SLC35F3: variants seen among roughly 807,000 people sequenced by gnomAD.
SLC35F3 encodes the protein putative thiamine transporter SLC35F3.
Under a neutral mutation model 49.9 loss-of-function variants are expected in SLC35F3, and 25 were observed. That is an observed-to-expected ratio of 0.50 (90% CI 0.37 to 0.70). The LOEUF is 0.70. SLC35F3 is among the 30% of genes least tolerant of loss of function. SLC35F3 has a pLI of 0.00. For synonymous variants in SLC35F3, 275 were observed against 265.4 expected (o/e 1.04, Z -0.35); for missense variants, 525 against 639.8 (o/e 0.82, Z 1.94).
intron 2 of SLC35F3, among the ~76,000 whole-genome samples, chr1:234,137,611 A>G (rs1405996900): frequency 6.6e-6 from 1 of 152,160 alleles, no homozygotes; most frequent in East Asian, 1.9e-4. Flanking sequence ...TTGTCAGGTA[A>G]AGGTGGAAGG....
chr1:234,079,054 A>C (rs771908207), intron 2 of SLC35F3, among the ~76,000 whole-genome samples: 5 of 152,178 alleles, frequency 3.3e-5, no homozygotes, highest in Non-Finnish European at 7.3e-5. Flanking sequence ...GAAGACTTGC[A>C]CTTTCCAATT....
At chr1:234,157,605 G>A (rs73108418) in intron 2 of SLC35F3, among the ~76,000 whole-genome samples, 25,337 of 152,164 alleles carry the variant, frequency 0.17, 6,745 homozygotes, top group African/African-American at 0.56. Flanking sequence ...TTTGTTTTCA[G>A]CATCCATGTC....
At chr1:234,207,904 G>A (rs931795017) in intron 2 of SLC35F3, among the ~76,000 whole-genome samples, 4 of 152,220 alleles carry the variant, frequency 2.6e-5, no homozygotes, top group Non-Finnish European at 4.4e-5. Flanking sequence ...AGCTGCTCAG[G>A]AGGCTTAGGT....
intron 2 of SLC35F3, among the ~76,000 whole-genome samples, chr1:233,977,096 C>A (rs957179021): frequency 1.7e-4 from 26 of 152,166 alleles, no homozygotes; most frequent in Admixed American, 1.6e-3. Flanking sequence ...TCTGCGCATG[C>A]CCTTCAGGTT....
At chr1:233,923,948 G>A (rs138572427) in intron 2 of SLC35F3, among the ~76,000 whole-genome samples, 4,408 of 152,188 alleles carry the variant, frequency 0.029, 193 homozygotes, top group African/African-American at 0.1. Context: ...GATTACGTTT[G>A]TTGATTTGTG....
intron 3 of SLC35F3, among the ~76,000 whole-genome samples, chr1:234,270,868 G>A (rs1236805559): frequency 6.6e-6 from 1 of 152,238 alleles, no homozygotes; most frequent in East Asian, 1.9e-4. Flanking sequence ...GGAGAGGCAA[G>A]CTTGATGATG....
intron 2 of SLC35F3, among the ~76,000 whole-genome samples, chr1:233,983,669 T>C (rs1359181896): frequency 6.6e-6 from 1 of 152,202 alleles, no homozygotes; most frequent in African/African-American, 2.4e-5. Context: ...ACCAGCTAGC[T>C]CCTTTGGAAA....
At chr1:234,030,443 C>T (rs1664045560) in intron 2 of SLC35F3, among the ~76,000 whole-genome samples, 1 of 152,132 alleles carries the variant, frequency 6.6e-6, no homozygotes, top group East Asian at 1.9e-4. Context: ...GACCCCAGTA[C>T]CAGAGACTAG....
chr1:234,067,714 C>A (rs1017049789), intron 2 of SLC35F3, among the ~76,000 whole-genome samples: 3 of 152,172 alleles, frequency 2.0e-5, no homozygotes, highest in African/African-American at 7.2e-5. Context: ...ACATTTGATA[C>A]CACCTAGCCC....
chr1:234,255,818 A>G (rs1667813896), intron 3 of SLC35F3, among the ~76,000 whole-genome samples: 1 of 152,240 alleles, frequency 6.6e-6, no homozygotes, highest in South Asian at 2.1e-4. Context: ...CACTTAGAGC[A>G]GTGAAATAAT....
intron 2 of SLC35F3, among the ~76,000 whole-genome samples, chr1:234,226,603 T>C (rs1667289140): frequency 6.7e-6 from 1 of 150,344 alleles, no homozygotes; most frequent in East Asian, 1.9e-4. Context: ...GCCTAAGCAG[T>C]GGACAGCTCA....
At position 234,231,356 on chromosome 1, in the gene SLC35F3, C is replaced by T; in HGVS notation, c.284-61C>T. The T allele has an allele frequency of 7.4e-7, 1 of 1,356,454 alleles. No homozygotes were observed. The highest frequency in any genetic ancestry group is 9.8e-7 in the Non-Finnish European group (1 of 1,021,460). The allele number at this position is 1,356,454 out of a possible 1,614,324, so 84.0% of individuals were successfully genotyped here. A position where few individuals can be genotyped will look rare whatever the true frequency, so the allele number is the denominator to read the frequency against. On this transcript the variant is annotated intron_variant, in intron 2 of 7. Transcript: ENST00000366618. This position sits in a 1 kb window ranked among gnomAD's most constrained non-coding sequence, Gnocchi z 5.4. Reference sequence around the variant, plus strand: ...GGTGACAATGGCTGCAGGGCAGCGCCCTGCGAAGTGCAGGGGTGAAGGTCT... The same window carrying T: ...GGTGACAATGGCTGCAGGGCAGCGCTCTGCGAAGTGCAGGGGTGAAGGTCT...
chr1:234,288,235 C>A (rs973096637), intron 3 of SLC35F3, among the ~76,000 whole-genome samples: 3 of 152,120 alleles, frequency 2.0e-5, no homozygotes, highest in African/African-American at 7.2e-5. Context: ...AGCAACTACA[C>A]CATAATACAG....
In SLC35F3 at chr1:233,905,982, A is replaced by G. The variant is rs111494597; in HGVS notation, c.283+224A>G. Among the ~76,000 whole-genome samples, 594 of 152,154 alleles carry G rather than the reference A, an allele frequency of 3.9e-3. 3 individuals are homozygous for G. Among genetic ancestry groups the G allele is most frequent in the African/African-American group, 0.013 (540 of 41,492 alleles). Reference sequence around the variant, plus strand: ...TCTCTTACACCCCTTCCTCTCCCACACACAGGATCTCTCTGTATCCTTATC... The same window carrying G: ...TCTCTTACACCCCTTCCTCTCCCACGCACAGGATCTCTCTGTATCCTTATC... On this transcript the variant is annotated intron_variant, in intron 2 of 7. Transcript: ENST00000366618.
intron 2 of SLC35F3, among the ~76,000 whole-genome samples, chr1:234,226,973 A>ACACG (rs1315548782): frequency 7.9e-5 from 12 of 151,808 alleles, no homozygotes; most frequent in African/African-American, 2.9e-4. Flanking sequence ...ACACACACAC[A>ACACG]CACACACACA....
intron 3 of SLC35F3, among the ~76,000 whole-genome samples, chr1:234,278,376 G>C (rs749712170): frequency 4.0e-5 from 6 of 151,800 alleles, no homozygotes; most frequent in Non-Finnish European, 7.4e-5. Context: ...TGTAGTCCCA[G>C]CTACTCAGGA....
At chr1:234,239,776 G>C (rs555070066) in intron 3 of SLC35F3, among the ~76,000 whole-genome samples, 10 of 152,242 alleles carry the variant, frequency 6.6e-5, no homozygotes, top group African/African-American at 2.4e-4. Context: ...ACATATGCTT[G>C]CCATTAGATA....
intron 2 of SLC35F3, among the ~76,000 whole-genome samples, chr1:234,061,762 T>A (rs76327939): frequency 0.11 from 16,079 of 152,238 alleles, 1,314 homozygotes; most frequent in East Asian, 0.25. Context: ...TAAATTTTTC[T>A]TTTAGTTGTT....
chr1:234,134,469 C>G (rs1665781902), intron 2 of SLC35F3, among the ~76,000 whole-genome samples: 1 of 147,866 alleles, frequency 6.8e-6, no homozygotes, highest in Non-Finnish European at 1.5e-5. Context: ...TATATTTAAT[C>G]TATATAAAAT....
Sources: allele counts gnomAD v4.1 joint callset (sites outside exome capture counted in the v4.1 genomes callset), GRCh38; gene constraint gnomAD v4.1.1; non-coding constraint Gnocchi (gnomAD v3.1); transcripts MANE v1.5; gene names NCBI Gene and HGNC (gene_info 2026-07-23, HGNC 2026-07-21).